Variants in CLCC1 observed in about 807,000 individuals in gnomAD.
The protein encoded by CLCC1 is chloride channel CLIC-like protein 1.
Under a neutral mutation model 63.3 loss-of-function variants are expected in CLCC1, and 39 were observed. The ratio of observed to expected loss-of-function variants is 0.62; its 90% CI spans 0.48 to 0.81. The LOEUF (loss-of-function observed/expected upper bound fraction) is 0.81, where lower values mean the gene tolerates loss of function less well. Among genes scored for constraint, CLCC1 ranks in the 30% least tolerant of loss-of-function variants. The pLI, the probability that CLCC1 is intolerant of heterozygous loss-of-function variation, is 0.00. For synonymous variants in CLCC1, 217 were observed against 239.8 expected, an observed-to-expected ratio of 0.90 and a Z score of 0.88; for missense variants, 549 against 669.4, an observed-to-expected ratio of 0.82 and a Z score of 1.98.
chr1:108,940,012 CT>C lies in CLCC1; in HGVS notation c.894+32del, dbSNP rs1457241698. 18 of 1,508,866 alleles carry C rather than the reference CT, an allele frequency of 1.2e-5. 1 individual carries two copies. In the African/African-American group the frequency reaches 2.2e-4, roughly 19 times the overall value. 93.5% of individuals were successfully genotyped at this position (1,508,866 alleles called of 1,614,324 possible). A position where few individuals can be genotyped will look rare whatever the true frequency, so the allele number is the denominator to read the frequency against. The stretch of plus-strand genomic sequence containing the variant: ...TAAAATACAAGGGATTTCTGACTGA[CT>C]TTAAGTAATTTTTACAAAATATATG... On this transcript the variant is annotated intron_variant, in intron 9 of 12. Transcript: ENST00000369969.
intron 2 of CLCC1, among the ~76,000 whole-genome samples, chr1:108,953,951 A>G (rs1465723578): frequency 6.9e-6 from 1 of 145,830 alleles, no homozygotes; most frequent in Non-Finnish European, 1.5e-5. Flanking sequence ...CAGAAGTTGC[A>G]GTGAGCCAAG....
rs997202387 is a variant in CLCC1, at chr1:108,941,159, A to G, written c.796+246T>C. Among the ~76,000 whole-genome samples the G allele has an allele frequency of 2.0e-5, 3 of 152,228 alleles. No individual in the cohort carries two copies. In the South Asian group the frequency reaches 6.2e-4, roughly 32 times the overall value. ...CAAAAGCGAGCATAGGATCCTTCAC[A>G]CAGTCTTATGAAGGAAGACAGATAA... On this transcript the variant is annotated intron_variant, in intron 8 of 12. Transcript: ENST00000369969.
chr1:108,943,606 AAAG>A lies in CLCC1; in HGVS notation c.568_570del (p.Leu190del), dbSNP rs1654132814. 7.6e-6 allele frequency: 12 copies of A among 1,577,620 alleles called. No homozygotes were observed. The highest frequency in any genetic ancestry group is 1.7e-5 in the African/African-American group (1 of 60,482). ...ACTAAAACCACGATGCAGAGCAGACAAAGAAGTACCTTAAAACAGAGAGAAGCA... is the reference window on the plus strand; with the variant it reads ...ACTAAAACCACGATGCAGAGCAGACAAAGTACCTTAAAACAGAGAGAAGCA... On this transcript the variant is annotated inframe_deletion, in exon 7 of 13. Coordinates refer to ENST00000369969, the MANE Select transcript of CLCC1 (RefSeq NM_001377458.1).
At chr1:108,952,024 C>T (rs1471670851) in intron 2 of CLCC1, among the ~76,000 whole-genome samples, 1 of 152,082 alleles carries the variant, frequency 6.6e-6, no homozygotes, top group African/African-American at 2.4e-5. Flanking sequence ...GCTATCCTCC[C>T]ACCTCGGCCT....
Position 108,939,638 on chromosome 1 carries a change from G to A in CLCC1, c.1039C>T (p.Leu347=), listed in dbSNP as rs752510604. ...AGTGCTAATATATTAATACTAACCA[G>A]GATGGCTAATGCCATAATTATCAGC... The part of the protein sequence containing the change: ...PVLIIMALAI[L]SFCYGAGKSV... The change falls in exon 10 of 13, where the codon CTG becomes TTG. Residue 347 remains leucine (L), a splice_region_variant and synonymous_variant. Coordinates refer to ENST00000369969, the MANE Select transcript of CLCC1 (RefSeq NM_001377458.1). The A allele has an allele frequency of 9.3e-6, 15 of 1,613,760 alleles. No homozygotes were observed. Among genetic ancestry groups the A allele is most frequent in the South Asian group, 2.2e-5 (2 of 91,042 alleles).
chr1:108,962,091 T>C (rs1466105130), intron 2 of CLCC1, among the ~76,000 whole-genome samples: 1 of 152,102 alleles, frequency 6.6e-6, no homozygotes, highest in African/African-American at 2.4e-5. Flanking sequence ...GGGGCTTCTC[T>C]GAGAGGATAG....
In CLCC1 at chr1:108,931,580, TG is replaced by T. The variant is rs1243182670; in HGVS notation, c.*966del. ...ATAGAACTATTTCTCTAATGGCCAATGTTTTTTAAGAGTCATAACCTGGAAT... is the reference window on the plus strand; with the variant it reads ...ATAGAACTATTTCTCTAATGGCCAATTTTTTTAAGAGTCATAACCTGGAAT... On this transcript the variant is annotated 3_prime_UTR_variant, in exon 13 of 13. Transcript: ENST00000369969. 7.0e-7 allele frequency: 1 copy of T among 1,437,580 alleles called. No individual in the cohort carries two copies. The highest frequency in any genetic ancestry group is 9.2e-7 in the Non-Finnish European group (1 of 1,086,564). 89.1% of individuals were successfully genotyped at this position (1,437,580 alleles called of 1,614,324 possible).
chr1:108,935,625 G>C (rs1652798332), intron 11 of CLCC1, among the ~76,000 whole-genome samples: 1 of 152,094 alleles, frequency 6.6e-6, no homozygotes, highest in Non-Finnish European at 1.5e-5. Flanking sequence ...TATTAGCCAG[G>C]CATGGTCGTA....
At chr1:108,943,687 G>A (rs1654148285) in intron 6 of CLCC1, 72 bp from the exon 7 acceptor site, 1 of 1,575,410 alleles carries the variant, frequency 6.3e-7, no homozygotes, top group Non-Finnish European at 8.7e-7. Flanking sequence ...GGACTCAAAA[G>A]CACAAAATCA....
chr1:108,929,878 T>C lies in CLCC1; in HGVS notation c.*2669A>G. The C allele has an allele frequency of 6.2e-7, 1 of 1,613,802 alleles. No homozygotes were observed. The highest frequency in any genetic ancestry group is 2.2e-5 in the East Asian group (1 of 44,862). ...AGACACTGACTTTGGGCTAAAGGAC[T>C]TTTTGCAAAATAATGCTTTGTTGGA... On this transcript the variant is annotated 3_prime_UTR_variant, in exon 13 of 13. Transcript: ENST00000369969.
intron 2 of CLCC1, among the ~76,000 whole-genome samples, chr1:108,954,817 C>CGCGTGTGTGTGTGT (rs1553222832): frequency 7.1e-5 from 10 of 140,518 alleles, no homozygotes; most frequent in Admixed American, 7.0e-5. Context: ...ACTGTCTTTG[C>CGCGTGTGTGTGTGT]GTGTGTGTGT....
At chr1:108,948,664 A>G (rs1174499648) in intron 4 of CLCC1, among the ~76,000 whole-genome samples, 2 of 147,872 alleles carry the variant, frequency 1.4e-5, no homozygotes, top group South Asian at 2.2e-4. Flanking sequence ...AAAAAAAAAA[A>G]GAATTCAAGA....
At chr1:108,938,229 A>G (rs1653307627) in intron 10 of CLCC1, among the ~76,000 whole-genome samples, 1 of 152,194 alleles carries the variant, frequency 6.6e-6, no homozygotes, top group African/African-American at 2.4e-5. Context: ...GAGAACAGAA[A>G]CTTTGAAAAT....
chr1:108,935,030 CGTTGTAGCAA>C, intron 11 of CLCC1, 88 bp from the exon 12 acceptor site: 3 of 1,322,382 alleles, frequency 2.3e-6, no homozygotes, highest in Non-Finnish European at 3.1e-6. Context: ...CACCCAAATC[CGTTGTAGCAA>C]GCTCCAAACT....
chr1:108,959,928 G>T (rs934474641), intron 2 of CLCC1, among the ~76,000 whole-genome samples: 3 of 152,134 alleles, frequency 2.0e-5, no homozygotes, highest in African/African-American at 7.2e-5. Context: ...CCAGGAGTTC[G>T]ACACCAGCCT....
chr1:108,937,943 A>ACCTGAGACTTTCAGGAGATC (rs1553220294), intron 10 of CLCC1, among the ~76,000 whole-genome samples: 7 of 152,318 alleles, frequency 4.6e-5, no homozygotes, highest in Non-Finnish European at 7.3e-5. Context: ...CCCGGGGGAT[A>ACCTGAGACTTTCAGGAGATC]CCTGAGACTT....
chr1:108,950,761 CA>C (rs1655085846), intron 2 of CLCC1, among the ~76,000 whole-genome samples: 1 of 152,000 alleles, frequency 6.6e-6, no homozygotes, highest in Admixed American at 6.6e-5. Context: ...CTGATCCTCC[CA>C]CCCTGGCCTC....
Position 108,947,851 on chromosome 1 carries a change from A to G in CLCC1, c.232-133T>C, listed in dbSNP as rs115978725. 9.0e-4 allele frequency: 567 copies of G among 627,802 alleles called. 4 individuals are homozygous for G. Among genetic ancestry groups the G allele is most frequent in the African/African-American group, 8.4e-3 (452 of 54,012 alleles). 38.9% of individuals were successfully genotyped at this position (627,802 alleles called of 1,614,324 possible). On this transcript the variant is annotated intron_variant, in intron 4 of 12. Coordinates refer to ENST00000369969, the MANE Select transcript of CLCC1 (RefSeq NM_001377458.1). ...TTGATCAAGTTTGCATTTATCAGCT[A>G]TAATACATTACAGTGCAGAGCTGGC... is the stretch of plus-strand genomic sequence containing the variant.
At chr1:108,943,766 A>G in intron 6 of CLCC1, 70 bp downstream of exon 6, 2 of 1,447,828 alleles carry the variant, frequency 1.4e-6, no homozygotes, top group Admixed American at 3.8e-5. Flanking sequence ...TAACGTAATT[A>G]TGGTGGAGTT....
Sources: allele counts gnomAD v4.1 joint callset (sites outside exome capture counted in the v4.1 genomes callset), GRCh38; gene constraint gnomAD v4.1.1; transcripts MANE v1.5; gene names NCBI Gene and HGNC (gene_info 2026-07-23, HGNC 2026-07-21).